The following NDUFAF7 variants were observed in gnomAD, a reference collection of about 807,000 sequenced individuals.
The protein encoded by NDUFAF7 is protein arginine methyltransferase NDUFAF7, mitochondrial.
NDUFAF7 carries 48 observed loss-of-function variants against 47.2 expected under a neutral mutation model. The ratio of observed to expected loss-of-function variants is 1.02; its 90% CI spans 0.81 to 1.29. NDUFAF7 has a LOEUF of 1.29. Among genes scored for constraint, NDUFAF7 ranks in the 50% most tolerant of loss-of-function variants. NDUFAF7 has a pLI of 0.00. For synonymous variants in NDUFAF7, 217 were observed against 190.0 expected (o/e 1.14, Z -1.17); for missense variants, 635 against 537.6 (o/e 1.18, Z -1.79).
intron 9 of NDUFAF7, 89 bp from the exon 10 acceptor site, chr2:37,248,046 T>C (rs1667109866): frequency 3.8e-6 from 4 of 1,053,892 alleles, no homozygotes; most frequent in Non-Finnish European, 5.7e-6. Context: ...TGCTGTTTTA[T>C]TGGAATATTT....
At position 37,236,179 on chromosome 2, in the gene NDUFAF7, A is replaced by G. The variant is rs1021235533; in HGVS notation, c.297+3A>G. On this transcript the variant is annotated splice_donor_region_variant and intron_variant, in intron 3 of 9. Transcript: ENST00000002125. Reference sequence around the variant, plus strand: ...AAATAAGTCAAATCTTTGGGGAGGTAATATACTATGTAAAGTATGAATGAA... The same window carrying G: ...AAATAAGTCAAATCTTTGGGGAGGTGATATACTATGTAAAGTATGAATGAA... The G allele has an allele frequency of 2.5e-6, 4 of 1,591,006 alleles. No individual in the cohort carries two copies. The highest frequency in any genetic ancestry group is 3.5e-6 in the Non-Finnish European group (4 of 1,159,108).
the NDUFAF7 span, chr2:37,267,738 G>T: frequency 2.0e-6 from 1 of 498,688 alleles, no homozygotes; most frequent in Non-Finnish European, 3.5e-6. Context: ...CCCTAATAAA[G>T]TCAGCTGCAT....
chr2:37,253,237 A>G (rs764575353), downstream of NDUFAF7: 3 of 1,612,646 alleles, frequency 1.9e-6, no homozygotes, highest in Non-Finnish European at 2.5e-6. Context: ...TTGGGTATAC[A>G]AGGTTATGTG....
At chr2:37,233,030 G>A (rs1332306780) in intron 2 of NDUFAF7, among the ~76,000 whole-genome samples, 1 of 152,206 alleles carries the variant, frequency 6.6e-6, no homozygotes, top group African/African-American at 2.4e-5. Context: ...ATGCCGGTTA[G>A]GCAGGGCTGC....
At chr2:37,253,872 A>T (rs1007458551), downstream of NDUFAF7, among the ~76,000 whole-genome samples, 6 of 152,226 alleles carry the variant, frequency 3.9e-5, no homozygotes, top group Non-Finnish European at 7.3e-5. Flanking sequence ...AAACATTTTT[A>T]AAAAATCTCT....
At chr2:37,257,666 CAAAAGAAAAAAA>C (rs1188633656), downstream of NDUFAF7, among the ~76,000 whole-genome samples, 16 of 62,434 alleles carry the variant, frequency 2.6e-4, no homozygotes, top group East Asian at 3.2e-3. Context: ...GACTCTGTCT[CAAAAGAAAAAAA>C]AAAAAAAAAA....
At chr2:37,254,055 G>C (rs1247599993), downstream of NDUFAF7, 1 of 626,420 alleles carries the variant, frequency 1.6e-6, no homozygotes, top group Admixed American at 2.6e-5. Flanking sequence ...AATGCTGTAT[G>C]GTTTCCAGAG....
downstream of NDUFAF7, among the ~76,000 whole-genome samples, chr2:37,258,001 C>T (rs116136921): frequency 4.8e-3 from 730 of 152,284 alleles, 5 homozygotes; most frequent in African/African-American, 0.017. Flanking sequence ...GAACTCAGAA[C>T]ACTTATCTTG....
intron 1 of NDUFAF7, 154 bp from the exon 2 acceptor site, chr2:37,231,952 T>C (rs1665186228): frequency 1.3e-6 from 2 of 1,595,090 alleles, no homozygotes; most frequent in African/African-American, 1.3e-5. Flanking sequence ...GGGTGCTGTC[T>C]CTGCGCCCCG....
chr2:37,246,699 T>C (rs138934558), intron 8 of NDUFAF7, among the ~76,000 whole-genome samples: 7 of 152,310 alleles, frequency 4.6e-5, no homozygotes, highest in African/African-American at 1.4e-4. Flanking sequence ...TATACTTTAA[T>C]TGAAAAACAT....
chr2:37,231,884 C>T (rs1041321765), intron 1 of NDUFAF7, 124 bp downstream of exon 1: 28 of 1,580,768 alleles, frequency 1.8e-5, no homozygotes, highest in South Asian at 1.0e-4. Flanking sequence ...TTGAAGGTAC[C>T]CTGGGCTGGA....
At chr2:37,247,203 C>G (rs778919799) in intron 8 of NDUFAF7, 1 of 517,140 alleles carries the variant, frequency 1.9e-6, no homozygotes, top group Non-Finnish European at 3.6e-6. Context: ...GTCTACGTTG[C>G]TGAAAAGGAC....
chr2:37,254,260 C>T (rs917847522), downstream of NDUFAF7: 3 of 1,613,322 alleles, frequency 1.9e-6, no homozygotes, highest in Non-Finnish European at 2.5e-6. Context: ...CTCATCTTCA[C>T]TTGAAGCAGA....
chr2:37,247,473 G>T lies in NDUFAF7; in HGVS notation c.954G>T (p.Lys318Asn), dbSNP rs751845207. ...TGTTCAAGGGGTTTTGCGACCACAA[G>T]CTTCATGATGTCTTAATTGCCCCAG... Reference protein sequence around the residue: ...TDTFRGFCDHKLHDVLIAPGT... With the variant: ...TDTFRGFCDHNLHDVLIAPGT... The change falls in exon 9 of 10, where the codon AAG (lysine) becomes AAT (asparagine). Residue 318 changes from lysine to asparagine, a missense_variant. Physicochemically the swap from Lys to Asn is moderately conservative, Grantham distance 94. Coordinates refer to ENST00000002125, the MANE Select transcript of NDUFAF7 (RefSeq NM_144736.5). 2 of 1,613,972 alleles carry T rather than the reference G, an allele frequency of 1.2e-6. No homozygotes were observed. The highest frequency in any genetic ancestry group is 1.7e-6 in the Non-Finnish European group (2 of 1,179,920).
chr2:37,247,290 A>G, intron 8 of NDUFAF7, 166 bp from the exon 9 acceptor site: 2 of 759,932 alleles, frequency 2.6e-6, no homozygotes, highest in Non-Finnish European at 4.4e-6. Context: ...GTTGATGCAT[A>G]TACTTTGTAA....
At chr2:37,258,058 C>G (rs1288892193), downstream of NDUFAF7, among the ~76,000 whole-genome samples, 1 of 152,192 alleles carries the variant, frequency 6.6e-6, no homozygotes, top group Non-Finnish European at 1.5e-5. Flanking sequence ...TTAATGACCA[C>G]ATCCATGCTG....
downstream of NDUFAF7, chr2:37,250,850 C>CT (rs1667428423): frequency 6.6e-6 from 1 of 152,570 alleles, no homozygotes; most frequent in African/African-American, 2.4e-5. Flanking sequence ...GCAATTACTT[C>CT]TTTTACAAAC....
At chr2:37,270,007 C>T in the NDUFAF7 span, among the ~76,000 whole-genome samples, 1 of 152,144 alleles carries the variant, frequency 6.6e-6, no homozygotes, top group African/African-American at 2.4e-5. Context: ...GCAGGTGGAT[C>T]ACCTGAGGTT....
At chr2:37,243,158 A>G (rs1666528106) in intron 6 of NDUFAF7, among the ~76,000 whole-genome samples, 1 of 152,108 alleles carries the variant, frequency 6.6e-6, no homozygotes, top group African/African-American at 2.4e-5. Context: ...ATTATAGATT[A>G]AACTTTTTTG....
Sources: gnomAD v4.1 joint callset for allele counts (sites outside exome capture counted in the v4.1 genomes callset) on GRCh38, gnomAD v4.1.1 for gene constraint, MANE v1.5 for transcripts, NCBI Gene and HGNC (gene_info 2026-07-23, HGNC 2026-07-21) for gene names.